Variants in AUTS2 observed in about 807,000 individuals in gnomAD.
AUTS2 encodes autism susceptibility gene 2 protein.
In AUTS2, 17 loss-of-function variants were observed where a neutral mutation model predicts 112.4. The ratio of observed to expected loss-of-function variants is 0.15; its 90% CI spans 0.10 to 0.23. AUTS2 has a LOEUF of 0.23. AUTS2 is among the 10% of genes least tolerant of loss of function. The pLI, the probability that AUTS2 is intolerant of heterozygous loss-of-function variation, is 1.00. For missense variants in AUTS2, 1,510 were observed against 1,701.6 expected (o/e 0.89, Z 1.98); for synonymous variants, 751 against 702.7 (o/e 1.07, Z -1.09).
chr7:70,768,148 T>G, intron 10 of AUTS2, 80 bp downstream of exon 10: 1 of 1,328,820 alleles, frequency 7.5e-7, no homozygotes, highest in Non-Finnish European at 1.0e-6. Flanking sequence ...AGTCAATGAC[T>G]AGCAGCCTTC....
chr7:69,685,359 A>G (rs1218414906), intron 1 of AUTS2, among the ~76,000 whole-genome samples: 1 of 152,176 alleles, frequency 6.6e-6, no homozygotes, highest in Non-Finnish European at 1.5e-5. Flanking sequence ...GAGCCTGTTC[A>G]TTTTGGAATA....
chr7:70,140,408 A>C (rs1396725096), intron 4 of AUTS2, among the ~76,000 whole-genome samples: 1 of 152,164 alleles, frequency 6.6e-6, no homozygotes, highest in Non-Finnish European at 1.5e-5. Flanking sequence ...ACTGTATTTG[A>C]ATAAGAGGGT....
chr7:70,311,786 T>A (rs1789765743), intron 4 of AUTS2, among the ~76,000 whole-genome samples: 1 of 152,066 alleles, frequency 6.6e-6, no homozygotes, highest in Non-Finnish European at 1.5e-5. Context: ...GCGCCATCTC[T>A]GCTCACTGCA....
At chr7:70,338,230 A>T (rs961875887) in intron 4 of AUTS2, among the ~76,000 whole-genome samples, 1 of 152,200 alleles carries the variant, frequency 6.6e-6, no homozygotes, top group African/African-American at 2.4e-5. Flanking sequence ...CAATGTTTTG[A>T]TTACTATAGC....
intron 4 of AUTS2, among the ~76,000 whole-genome samples, chr7:70,181,229 C>T (rs998426241): frequency 5.9e-5 from 9 of 152,136 alleles, no homozygotes; most frequent in African/African-American, 1.7e-4. Context: ...TTTGTTATTA[C>T]GAACAATGTT....
At chr7:70,257,932 A>G (rs1786967555) in intron 4 of AUTS2, among the ~76,000 whole-genome samples, 1 of 152,194 alleles carries the variant, frequency 6.6e-6, no homozygotes, top group African/African-American at 2.4e-5. Context: ...CTGTTGGCAT[A>G]GGTGGGCTCT....
chr7:70,430,828 C>CTTTTT lies in AUTS2; in HGVS notation c.661-4903_661-4899dup, dbSNP rs745358887. The stretch of plus-strand genomic sequence containing the variant: ...TCCACATAGCAGATTGCAGTGTCGC[C>CTTTTT]TTTTTTTTTTTTTTTTTTTTTTTTT... On this transcript the variant is annotated intron_variant, in intron 4 of 18. Transcript: ENST00000342771. 3.0e-3 allele frequency among the ~76,000 whole-genome samples: 286 copies of CTTTTT among 94,488 alleles called. 6 individuals carry two copies. The highest frequency in any genetic ancestry group is 7.5e-3 in the African/African-American group (170 of 22,710). The allele number at this position is 94,488 out of a possible 152,430, so 62.0% of individuals were successfully genotyped here.
chr7:70,505,868 G>A (rs11770726), intron 5 of AUTS2, among the ~76,000 whole-genome samples: 34,566 of 152,186 alleles, frequency 0.23, 4,064 homozygotes, highest in Middle Eastern at 0.34. Context: ...GGGGACCAAA[G>A]TGGCACTTGC....
At chr7:70,306,390 G>C (rs527528452) in intron 4 of AUTS2, among the ~76,000 whole-genome samples, 2 of 152,332 alleles carry the variant, frequency 1.3e-5, no homozygotes, top group South Asian at 2.1e-4. Flanking sequence ...GCTGTGTCTT[G>C]AGTACTTTTT....
At chr7:70,360,281 T>C (rs1299644059) in intron 4 of AUTS2, among the ~76,000 whole-genome samples, 1 of 152,128 alleles carries the variant, frequency 6.6e-6, no homozygotes, top group Non-Finnish European at 1.5e-5. Flanking sequence ...ACATCCACCA[T>C]GCCCAGCTAA....
At chr7:70,134,502 G>C (rs1806444995) in intron 3 of AUTS2, 34 bp from the exon 4 acceptor site, 1 of 1,610,990 alleles carries the variant, frequency 6.2e-7, no homozygotes, top group African/African-American at 1.3e-5. Context: ...AACCATTGCT[G>C]ATTTTCCACT....
At chr7:70,779,005 T>C (rs965741079) in intron 14 of AUTS2, among the ~76,000 whole-genome samples, 1 of 152,196 alleles carries the variant, frequency 6.6e-6, no homozygotes, top group African/African-American at 2.4e-5. Flanking sequence ...CTCTTGAACA[T>C]GAGATAACTT....
At chr7:70,554,657 A>G (rs1203282075) in intron 5 of AUTS2, among the ~76,000 whole-genome samples, 1 of 152,128 alleles carries the variant, frequency 6.6e-6, no homozygotes, top group Non-Finnish European at 1.5e-5. Flanking sequence ...TTGTTTCACC[A>G]GAGAAGCCAG....
chr7:70,383,493 G>A (rs1406319110), intron 4 of AUTS2, among the ~76,000 whole-genome samples: 2 of 152,180 alleles, frequency 1.3e-5, no homozygotes, highest in African/African-American at 4.8e-5. Flanking sequence ...TCTGCAGAGA[G>A]CTTATTCACT....
intron 4 of AUTS2, among the ~76,000 whole-genome samples, chr7:70,248,099 A>C (rs765768896): frequency 6.6e-6 from 1 of 152,180 alleles, no homozygotes; most frequent in Non-Finnish European, 1.5e-5. Context: ...TGCCTTTCAC[A>C]CAATGCTAGA....
At chr7:69,909,050 T>C (rs931743876) in intron 2 of AUTS2, among the ~76,000 whole-genome samples, 5 of 152,196 alleles carry the variant, frequency 3.3e-5, no homozygotes, top group Admixed American at 6.5e-5. Flanking sequence ...AAATAAACTG[T>C]ACTTATTTTT....
intron 2 of AUTS2, among the ~76,000 whole-genome samples, chr7:70,035,575 C>T: frequency 6.6e-6 from 1 of 152,172 alleles, no homozygotes; most frequent in East Asian, 1.9e-4. Context: ...GTTGTATGGA[C>T]TCTTGTACTT....
chr7:70,552,840 C>A (rs1208187613), intron 5 of AUTS2, among the ~76,000 whole-genome samples: 1 of 152,174 alleles, frequency 6.6e-6, no homozygotes, highest in Admixed American at 6.6e-5. Flanking sequence ...GTCAAAGCAA[C>A]CCCCATGGTA....
chr7:70,265,072 G>A (rs1042686798), intron 4 of AUTS2, among the ~76,000 whole-genome samples: 2 of 152,152 alleles, frequency 1.3e-5, no homozygotes, highest in African/African-American at 4.8e-5. Flanking sequence ...TAGGATTAAT[G>A]ATTTGTTTCT....
Sources: gnomAD v4.1 joint callset for allele counts (sites outside exome capture counted in the v4.1 genomes callset) on GRCh38, gnomAD v4.1.1 for gene constraint, MANE v1.5 for transcripts, NCBI Gene and HGNC (gene_info 2026-07-23, HGNC 2026-07-21) for gene names.